Variants in TMED2 observed in about 807,000 individuals in gnomAD.
TMED2 encodes the protein transmembrane emp24 domain-containing protein 2.
TMED2 carries 3 observed loss-of-function variants against 17.5 expected under a neutral mutation model. That is an observed-to-expected ratio of 0.17 (90% CI 0.08 to 0.44). The LOEUF is 0.44. Among genes scored for constraint, TMED2 ranks in the 20% least tolerant of loss-of-function variants. The pLI, the probability that TMED2 is intolerant of heterozygous loss-of-function variation, is 0.99. For missense variants in TMED2, 149 were observed against 254.8 expected (o/e 0.58, Z 2.83); for synonymous variants, 95 against 91.0 (o/e 1.04, Z -0.25).
In TMED2 at chr12:123,597,258, C is replaced by A. The variant is rs970275954; in HGVS notation, c.*529C>A. On this transcript the variant is annotated 3_prime_UTR_variant, in exon 4 of 4. Coordinates refer to ENST00000262225, the MANE Select transcript of TMED2 (RefSeq NM_006815.4). Reference sequence around the variant, plus strand: ...TGTATGCTGCCAGGCTGGGTACTTTCATACTTTGTTTTCTTGTTTTGCTTT... The same window carrying A: ...TGTATGCTGCCAGGCTGGGTACTTTAATACTTTGTTTTCTTGTTTTGCTTT... The A allele has an allele frequency of 1.3e-5, 2 of 152,188 alleles. No homozygotes were observed. Among genetic ancestry groups the A allele is most frequent in the Non-Finnish European group, 2.9e-5 (2 of 68,050 alleles). 9.4% of individuals were successfully genotyped at this position (152,188 alleles called of 1,614,324 possible).
rs575014853 is a variant in TMED2 at position 123,587,381 on chromosome 12, G to A, written c.373+442G>A. Among the ~76,000 whole-genome samples, 5 of 152,278 alleles carry A rather than the reference G, an allele frequency of 3.3e-5. No homozygotes were observed. In the South Asian group the frequency reaches 1.0e-3, roughly 32 times the overall value. On this transcript the variant is annotated intron_variant, in intron 2 of 3. Coordinates refer to ENST00000262225, the MANE Select transcript of TMED2 (RefSeq NM_006815.4). ...GACTTCAGGTGATCCACCTGCCTCG[G>A]CCTTCTGAAGTGCTGGGATTTTTTT...
intron 1 of TMED2, chr12:123,585,653 G>A (rs1886330933): frequency 6.6e-6 from 1 of 152,216 alleles, no homozygotes; most frequent in Admixed American, 6.5e-5. Context: ...AAAAATAAGG[G>A]GATAACGGAA....
Position 123,597,357 on chromosome 12 carries a change from A to AGGG in TMED2, c.*628_*629insGGG, listed in dbSNP as rs934756746. The AGGG allele has an allele frequency of 5.9e-5, 9 of 152,206 alleles. No individual in the cohort carries two copies. Among genetic ancestry groups the AGGG allele is most frequent in the Admixed American group, 2.0e-4 (3 of 15,286 alleles). 9.4% of individuals were successfully genotyped at this position (152,206 alleles called of 1,614,324 possible). On this transcript the variant is annotated 3_prime_UTR_variant, in exon 4 of 4. Coordinates refer to ENST00000262225, the MANE Select transcript of TMED2 (RefSeq NM_006815.4). Reference sequence around the variant, plus strand: ...CCTTAGGACTCAGTCATCTCCACTTAAATTGATGACACAAGCAGCTAATAA... The same window carrying AGGG: ...CCTTAGGACTCAGTCATCTCCACTTAGGGAATTGATGACACAAGCAGCTAATAA...
intron 2 of TMED2, among the ~76,000 whole-genome samples, chr12:123,589,890 GCAGGGGATTGCTTGAGCC>G (rs1953378736): frequency 6.6e-6 from 1 of 151,950 alleles, no homozygotes; most frequent in African/African-American, 2.4e-5. Context: ...GGAGGCTGAG[GCAGGGGATTGCTTGAGCC>G]CAGGAATTTT....
At position 123,590,965 on chromosome 12, in the gene TMED2, G is replaced by A. The variant is rs369501932; in HGVS notation, c.481+516G>A. Among the ~76,000 whole-genome samples, 50 of 151,198 alleles carry A rather than the reference G, an allele frequency of 3.3e-4. No homozygotes were observed. In the East Asian group the frequency reaches 6.4e-3, roughly 19 times the overall value. The stretch of plus-strand genomic sequence containing the variant: ...GCCACTGCACTCCAGCCTGGGCAAT[G>A]GAGCTAGACTCTGTCTCAGGGAAAA... On this transcript the variant is annotated intron_variant, in intron 3 of 3. Transcript: ENST00000262225.
At chr12:123,584,965 C>G (rs978537042) in intron 1 of TMED2, 149 bp downstream of exon 1, 57 of 1,027,986 alleles carry the variant, frequency 5.5e-5, no homozygotes, top group Non-Finnish European at 6.3e-5. Flanking sequence ...CCCCCCGCCC[C>G]GCCCCGGCCA....
At chr12:123,585,450 T>G (rs564905085) in intron 1 of TMED2, 1 of 152,226 alleles carries the variant, frequency 6.6e-6, no homozygotes, top group Non-Finnish European at 1.5e-5. Context: ...CAGTGAAGTA[T>G]CAGGAGAAGA....
intron 3 of TMED2, among the ~76,000 whole-genome samples, chr12:123,595,152 C>G (rs1211628368): frequency 6.6e-6 from 1 of 151,920 alleles, no homozygotes; most frequent in African/African-American, 2.4e-5. Context: ...TCACTTGAAC[C>G]CAGGAGGCAG....
chr12:123,587,972 A>T (rs1953364552), intron 2 of TMED2, among the ~76,000 whole-genome samples: 1 of 152,220 alleles, frequency 6.6e-6, no homozygotes. Flanking sequence ...GGTGCCTTTG[A>T]CTTTGTAGAA....
Position 123,597,014 on chromosome 12 carries a change from A to G in TMED2, c.*285A>G, listed in dbSNP as rs1219721486. ...GAAATATGGGAGTATAGTTTTTATT[A>G]TTTCTTCTTTTCCTTTTGTTTTCAT... On this transcript the variant is annotated 3_prime_UTR_variant, in exon 4 of 4. Transcript: ENST00000262225. The G allele has an allele frequency of 5.3e-6, 1 of 189,322 alleles. No individual in the cohort carries two copies. Among genetic ancestry groups the G allele is most frequent in the African/African-American group, 2.3e-5 (1 of 42,616 alleles). 11.7% of individuals were successfully genotyped at this position (189,322 alleles called of 1,614,324 possible).
rs780850609 is a variant in TMED2 at position 123,596,584 on chromosome 12, TGTTTG to T, written c.482-20_482-16del. The T allele has an allele frequency of 3.2e-6, 5 of 1,580,546 alleles. No homozygotes were observed. The highest frequency in any genetic ancestry group is 4.3e-6 in the Non-Finnish European group (5 of 1,167,996). On this transcript the variant is annotated splice_polypyrimidine_tract_variant and intron_variant, in intron 3 of 3. Coordinates refer to ENST00000262225, the MANE Select transcript of TMED2 (RefSeq NM_006815.4). Reference sequence around the variant, plus strand: ...TGGGGGAGAATTGTTAAATTTTGTTTGTTTGTTTTGTCCTCAACAGTCAACGACAA... The same window carrying T: ...TGGGGGAGAATTGTTAAATTTTGTTTTTTTGTCCTCAACAGTCAACGACAA...
At position 123,584,788 on chromosome 12, in the gene TMED2, A is replaced by T; in HGVS notation, c.152A>T (p.Glu51Val). Residue 51 changes from glutamate to valine, a missense_variant, in exon 1 of 4, where the codon GAG (glutamate) becomes GTG (valine). Physicochemically the swap from Glu to Val is moderately radical, Grantham distance 121 (BLOSUM62 -2). Coordinates refer to ENST00000262225, the MANE Select transcript of TMED2 (RefSeq NM_006815.4). The part of the protein sequence containing the change: ...TKMGLIFEVA[E>V]GGFLDIDVEI... The stretch of plus-strand genomic sequence containing the variant: ...ATGGGCCTCATCTTCGAGGTGGCGG[A>T]GGGCGGCTTCCTGGACATCGACGTG... The T allele has an allele frequency of 6.2e-7, 1 of 1,612,082 alleles. No homozygotes were observed.
At chr12:123,587,508 C>A in intron 2 of TMED2, 1 of 866,294 alleles carries the variant, frequency 1.2e-6, no homozygotes, top group Non-Finnish European at 1.5e-6. Flanking sequence ...TGTTTATTTG[C>A]TAATCCTGGC....
intron 3 of TMED2, among the ~76,000 whole-genome samples, chr12:123,595,610 C>T (rs1393999720): frequency 1.3e-5 from 2 of 152,044 alleles, no homozygotes; most frequent in African/African-American, 2.4e-5. Context: ...AAATTGGATA[C>T]TAATACAGGA....
At position 123,598,038 on chromosome 12, in the gene TMED2, G is replaced by T. The variant is rs553325949; in HGVS notation, c.*1309G>T. On this transcript the variant is annotated 3_prime_UTR_variant, in exon 4 of 4. Transcript: ENST00000262225. ...ACAACTGTTGCATGCCAAGTTTTTT[G>T]TGTGTGTGAAACACTTCAAAACTGA... The T allele has an allele frequency of 2.8e-4, 43 of 152,442 alleles. No homozygotes were observed. The highest frequency in any genetic ancestry group is 4.2e-4 in the South Asian group (2 of 4,812). 9.4% of individuals were successfully genotyped at this position (152,442 alleles called of 1,614,324 possible). A position where few individuals can be genotyped will look rare whatever the true frequency, so the allele number is the denominator to read the frequency against.
Position 123,596,944 on chromosome 12 carries a change from T to A in TMED2, c.*215T>A, listed in dbSNP as rs1010208597. 1 of 403,922 alleles carries A rather than the reference T, an allele frequency of 2.5e-6. No individual in the cohort carries two copies. Among genetic ancestry groups the A allele is most frequent in the Non-Finnish European group, 4.2e-6 (1 of 238,214 alleles). The allele number at this position is 403,922 out of a possible 1,614,324, so 25.0% of individuals were successfully genotyped here. On this transcript the variant is annotated 3_prime_UTR_variant, in exon 4 of 4. Coordinates refer to ENST00000262225, the MANE Select transcript of TMED2 (RefSeq NM_006815.4). ...TTGGCATAATTTCTTGTTTGAATGC[T>A]GCCTCCATTATATAGGTCCTTCCAG...
rs1593634922 is a variant in TMED2, at chr12:123,584,570, C to A, written c.-67C>A. On this transcript the variant is annotated 5_prime_UTR_variant, in exon 1 of 4. Coordinates refer to ENST00000262225, the MANE Select transcript of TMED2 (RefSeq NM_006815.4). The stretch of plus-strand genomic sequence containing the variant: ...GGTGGCTGAGAAGGCAGCGGGGCGG[C>A]GGCGGCGGCGGCGGCGGCGGCTGTG... 3.4e-6 allele frequency: 4 copies of A among 1,179,646 alleles called. No homozygotes were observed. Among genetic ancestry groups the A allele is most frequent in the East Asian group, 3.2e-5 (1 of 31,208 alleles). 73.1% of individuals were successfully genotyped at this position (1,179,646 alleles called of 1,614,324 possible).
At chr12:123,595,235 G>T (rs943639443) in intron 3 of TMED2, among the ~76,000 whole-genome samples, 2 of 152,118 alleles carry the variant, frequency 1.3e-5, no homozygotes, top group African/African-American at 4.8e-5. Context: ...TCAAAAAAAA[G>T]TAAGTAAATA....
intron 3 of TMED2, among the ~76,000 whole-genome samples, chr12:123,595,425 T>C (rs1255536163): frequency 6.6e-6 from 1 of 152,156 alleles, no homozygotes; most frequent in Non-Finnish European, 1.5e-5. Context: ...CTGAGTAACC[T>C]CTTCCATTGA....
Sources: allele counts gnomAD v4.1 joint callset (sites outside exome capture counted in the v4.1 genomes callset), GRCh38; gene constraint gnomAD v4.1.1; transcripts MANE v1.5; gene names NCBI Gene and HGNC (gene_info 2026-07-23, HGNC 2026-07-21).